The following DOCK4 variants were observed in gnomAD, a reference collection of about 807,000 sequenced individuals.
DOCK4 encodes dedicator of cytokinesis protein 4.
A neutral mutation model predicts 268.1 loss-of-function variants in DOCK4; 97 were observed. That is an observed-to-expected ratio of 0.36 (90% CI 0.31 to 0.43). The LOEUF (loss-of-function observed/expected upper bound fraction) is 0.43. Ranked by LOEUF, DOCK4 falls within the 20% of genes least tolerant of loss-of-function variation. DOCK4 has a pLI of 1.00. For missense variants in DOCK4, 2,145 were observed against 2,455.7 expected, an observed-to-expected ratio of 0.87 and a Z score of 2.67; for synonymous variants, 954 against 887.2, an observed-to-expected ratio of 1.08 and a Z score of -1.34.
intron 1 of DOCK4, among the ~76,000 whole-genome samples, chr7:112,140,941 T>C (rs1053702496): frequency 1.3e-5 from 2 of 152,176 alleles, no homozygotes; most frequent in African/African-American, 4.8e-5. Context: ...AGCTTGAGGC[T>C]CTACAGCTGG....
intron 23 of DOCK4, among the ~76,000 whole-genome samples, chr7:111,856,747 G>C (rs969036802): frequency 6.6e-6 from 1 of 152,090 alleles, no homozygotes; most frequent in Admixed American, 6.6e-5. Flanking sequence ...ACGGGTAAGC[G>C]GGAAGAGGAG....
chr7:111,748,778 C>CA (rs1352403961), intron 42 of DOCK4, among the ~76,000 whole-genome samples: 1 of 151,956 alleles, frequency 6.6e-6, no homozygotes, highest in Admixed American at 6.6e-5. Context: ...GAGGTTTGTG[C>CA]ACGTGTACCA....
At chr7:112,177,006 A>G (rs1818594175) in intron 1 of DOCK4, among the ~76,000 whole-genome samples, 1 of 152,186 alleles carries the variant, frequency 6.6e-6, no homozygotes, top group South Asian at 2.1e-4. Context: ...GAATGAGGGA[A>G]GGAAGAAAAT....
chr7:111,920,516 G>C (rs1163688582), intron 12 of DOCK4, among the ~76,000 whole-genome samples: 1 of 152,206 alleles, frequency 6.6e-6, no homozygotes, highest in Non-Finnish European at 1.5e-5. Flanking sequence ...CACAGGGCAT[G>C]TTTGGAGAAT....
chr7:112,137,675 C>G (rs1814489842), intron 1 of DOCK4, among the ~76,000 whole-genome samples: 1 of 152,114 alleles, frequency 6.6e-6, no homozygotes, highest in Admixed American at 6.5e-5. Flanking sequence ...TAAGGTTGGC[C>G]TAACCCTTCC....
intron 1 of DOCK4, among the ~76,000 whole-genome samples, chr7:112,081,208 G>T (rs1808553166): frequency 6.6e-6 from 1 of 152,120 alleles, no homozygotes; most frequent in African/African-American, 2.4e-5. Context: ...AATCCTGTGG[G>T]CAATTCAAGG....
intron 1 of DOCK4, among the ~76,000 whole-genome samples, chr7:112,021,757 C>T (rs957193000): frequency 6.6e-6 from 1 of 152,138 alleles, no homozygotes; most frequent in African/African-American, 2.4e-5. Flanking sequence ...GGTTCCCAAA[C>T]CATTCACAGC....
chr7:111,728,174 C>T lies in DOCK4; in HGVS notation c.*100G>A. 2.3e-6 allele frequency: 2 copies of T among 860,388 alleles called. No homozygotes were observed. The highest frequency in any genetic ancestry group is 3.5e-5 in the African/African-American group (2 of 57,318). 53.3% of individuals were successfully genotyped at this position (860,388 alleles called of 1,614,324 possible). ...GTTTTAATTCCATTCATCGAAGGAGCTGAGTAAGTTATTAAAGTGCCTACA... is the reference window on the plus strand; with the variant it reads ...GTTTTAATTCCATTCATCGAAGGAGTTGAGTAAGTTATTAAAGTGCCTACA... On this transcript the variant is annotated 3_prime_UTR_variant, in exon 53 of 53. Transcript: ENST00000428084.
At chr7:111,926,098 A>AAGACAGAGAG (rs1352639765) in intron 12 of DOCK4, among the ~76,000 whole-genome samples, 1 of 141,342 alleles carries the variant, frequency 7.1e-6, no homozygotes, top group African/African-American at 2.8e-5. Flanking sequence ...AGAAAAAAGA[A>AAGACAGAGAG]AGAGAGAGAG....
chr7:111,761,054 C>T (rs565647522), intron 39 of DOCK4, among the ~76,000 whole-genome samples: 1 of 144,266 alleles, frequency 6.9e-6, no homozygotes, highest in East Asian at 1.9e-4. Context: ...GGAACCAGGG[C>T]TTAAAGTCTT....
At chr7:112,098,469 G>A (rs575496879) in intron 1 of DOCK4, among the ~76,000 whole-genome samples, 162 of 151,066 alleles carry the variant, frequency 1.1e-3, no homozygotes, top group African/African-American at 3.6e-3. Context: ...AAGCCACAGC[G>A]TCCAGCCTAT....
At chr7:112,068,401 G>C (rs1478286144) in intron 1 of DOCK4, among the ~76,000 whole-genome samples, 1 of 152,070 alleles carries the variant, frequency 6.6e-6, no homozygotes, top group Non-Finnish European at 1.5e-5. Flanking sequence ...ACTGGCTTTG[G>C]GTGTGAATTC....
intron 4 of DOCK4, among the ~76,000 whole-genome samples, chr7:111,996,754 C>G (rs1217577158): frequency 6.6e-6 from 1 of 152,112 alleles, no homozygotes; most frequent in Admixed American, 6.6e-5. Context: ...TTTAAACTTC[C>G]TGGGGCTCAT....
At chr7:112,141,957 T>TC (rs1378228166) in intron 1 of DOCK4, among the ~76,000 whole-genome samples, 1 of 152,068 alleles carries the variant, frequency 6.6e-6, no homozygotes, top group East Asian at 1.9e-4. Flanking sequence ...AAATGTAACA[T>TC]CCCCCCACTC....
At chr7:111,948,062 G>A (rs951639579) in intron 8 of DOCK4, among the ~76,000 whole-genome samples, 8 of 152,114 alleles carry the variant, frequency 5.3e-5, no homozygotes, top group South Asian at 2.1e-4. Context: ...AAGGAAATGT[G>A]CAAGAATTCA....
At chr7:112,149,791 T>C (rs1030697646) in intron 1 of DOCK4, among the ~76,000 whole-genome samples, 19 of 152,328 alleles carry the variant, frequency 1.2e-4, no homozygotes, top group African/African-American at 4.1e-4. Context: ...CCAAAGCACC[T>C]GATATGCTTG....
At chr7:111,782,706 G>T (rs529770013) in intron 35 of DOCK4, among the ~76,000 whole-genome samples, 158 bp downstream of exon 35, 121 of 152,198 alleles carry the variant, frequency 8.0e-4, no homozygotes, top group African/African-American at 2.7e-3. Context: ...AATTTAACCT[G>T]CAGCTCACTA....
intron 13 of DOCK4, among the ~76,000 whole-genome samples, chr7:111,910,083 C>T (rs991811027): frequency 2.6e-5 from 4 of 151,648 alleles, no homozygotes; most frequent in African/African-American, 9.7e-5. Context: ...GACAGTTTAA[C>T]CAATGGATAT....
chr7:111,805,860 A>G (rs1046979718), intron 30 of DOCK4, among the ~76,000 whole-genome samples: 1 of 152,176 alleles, frequency 6.6e-6, no homozygotes. Flanking sequence ...TCCTCCCTTC[A>G]TCTTATTTTC....
Sources: allele counts gnomAD v4.1 joint callset (sites outside exome capture counted in the v4.1 genomes callset), GRCh38; gene constraint gnomAD v4.1.1; transcripts MANE v1.5; gene names NCBI Gene and HGNC (gene_info 2026-07-23, HGNC 2026-07-21).